Variants in PSMD12 observed in about 807,000 individuals in gnomAD.
PSMD12 encodes the protein 26S proteasome non-ATPase regulatory subunit 12.
A neutral mutation model predicts 62.9 loss-of-function variants in PSMD12; 8 were observed. That is an observed-to-expected ratio of 0.13 (90% CI 0.07 to 0.23). PSMD12 has a LOEUF of 0.23. Among genes scored for constraint, PSMD12 ranks in the 10% least tolerant of loss-of-function variants. The pLI, the probability that PSMD12 is intolerant of heterozygous loss-of-function variation, is 1.00. For synonymous variants in PSMD12, 173 were observed against 187.4 expected (o/e 0.92, Z 0.63); for missense variants, 424 against 550.2 (o/e 0.77, Z 2.29).
chr17:67,354,998 A>C (rs189284823), intron 3 of PSMD12, among the ~76,000 whole-genome samples: 3 of 152,238 alleles, frequency 2.0e-5, no homozygotes, highest in South Asian at 4.1e-4. Flanking sequence ...AAATAAATAA[A>C]TACATACATA....
intron 10 of PSMD12, 62 bp downstream of exon 10, chr17:67,342,124 T>C (rs1190816804): frequency 9.1e-6 from 11 of 1,212,364 alleles, no homozygotes; most frequent in South Asian, 2.6e-5. Flanking sequence ...TCTTACTCAA[T>C]TTTTACAAGT....
chr17:67,358,775 G>A (rs1328685458), intron 1 of PSMD12, among the ~76,000 whole-genome samples: 2 of 151,928 alleles, frequency 1.3e-5, no homozygotes, highest in Admixed American at 6.6e-5. Context: ...CATGCTTACC[G>A]GAAATGAAGG....
At chr17:67,353,090 C>CCTTA (rs2042033304) in intron 3 of PSMD12, among the ~76,000 whole-genome samples, 5 of 152,118 alleles carry the variant, frequency 3.3e-5, no homozygotes, top group African/African-American at 1.2e-4. Context: ...AGGGGGACTA[C>CCTTA]TGTACATTAA....
At chr17:67,358,567 C>CAAAAAAAAAAAAAAAAAAGGAAAAAA (rs2042099018) in intron 1 of PSMD12, among the ~76,000 whole-genome samples, 1 of 74,076 alleles carries the variant, frequency 1.3e-5, no homozygotes. Flanking sequence ...GAACCTGTCT[C>CAAAAAAAAAAAAAAAAAAGGAAAAAA]AAAAAAAAAA....
intron 8 of PSMD12, among the ~76,000 whole-genome samples, chr17:67,345,440 G>A (rs971068387): frequency 6.6e-6 from 1 of 152,112 alleles, no homozygotes; most frequent in Admixed American, 6.5e-5. Context: ...TCAGGAATTC[G>A]AGACCAGCCT....
chr17:67,344,586 T>C lies in PSMD12; in HGVS notation c.1083+20A>G. The C allele has an allele frequency of 6.6e-7, 1 of 1,516,908 alleles. No homozygotes were observed. Among genetic ancestry groups the C allele is most frequent in the South Asian group, 1.3e-5 (1 of 76,594 alleles). The allele number at this position is 1,516,908 out of a possible 1,614,324, so 94.0% of individuals were successfully genotyped here. On this transcript the variant is annotated intron_variant, in intron 9 of 10. Coordinates refer to ENST00000356126, the MANE Select transcript of PSMD12 (RefSeq NM_002816.5). Reference sequence around the variant, plus strand: ...CTAAAGGTTAAAATAAAAATTGTCATCTCTATGACAGATTCTTACATGTTC... The same window carrying C: ...CTAAAGGTTAAAATAAAAATTGTCACCTCTATGACAGATTCTTACATGTTC...
chr17:67,366,224 T>A (rs1285148674), intron 1 of PSMD12, among the ~76,000 whole-genome samples, 188 bp downstream of exon 1: 1 of 152,308 alleles, frequency 6.6e-6, no homozygotes, highest in East Asian at 1.9e-4. Context: ...TGGGAAGCTA[T>A]AGGCGCTGGC....
At chr17:67,341,197 G>A in intron 10 of PSMD12, 145 bp from the exon 11 acceptor site, 1 of 642,036 alleles carries the variant, frequency 1.6e-6, no homozygotes, top group Non-Finnish European at 2.5e-6. Flanking sequence ...AGCTGGGTGT[G>A]GTGGCTCACA....
chr17:67,349,331 T>C (rs2041997613), intron 4 of PSMD12, among the ~76,000 whole-genome samples: 1 of 152,232 alleles, frequency 6.6e-6, no homozygotes, highest in Non-Finnish European at 1.5e-5. Context: ...AACCGAACTA[T>C]TCTTTAACCC....
rs2041957038 is a variant in PSMD12, at chr17:67,345,565, C to A, written c.908+180G>T. On this transcript the variant is annotated intron_variant, in intron 8 of 10. Coordinates refer to ENST00000356126, the MANE Select transcript of PSMD12 (RefSeq NM_002816.5). Reference sequence around the variant, plus strand: ...GTTGAGGCAGAAGAATCACTTGAACCCAGGAGGCAGAAGTTGCAGTGAGCT... The same window carrying A: ...GTTGAGGCAGAAGAATCACTTGAACACAGGAGGCAGAAGTTGCAGTGAGCT... The A allele has an allele frequency of 5.4e-6, 3 of 550,576 alleles. No individual in the cohort carries two copies. In the South Asian group the frequency reaches 6.8e-5, roughly 12 times the overall value. The allele number at this position is 550,576 out of a possible 1,614,324, so 34.1% of individuals were successfully genotyped here.
At chr17:67,365,011 A>G (rs2042165950) in intron 1 of PSMD12, among the ~76,000 whole-genome samples, 1 of 152,084 alleles carries the variant, frequency 6.6e-6, no homozygotes, top group Non-Finnish European at 1.5e-5. Context: ...AACGTAGTGA[A>G]ACCCCGTCTC....
At chr17:67,361,620 GTCCAA>G (rs1188732074) in intron 1 of PSMD12, among the ~76,000 whole-genome samples, 1 of 152,060 alleles carries the variant, frequency 6.6e-6, no homozygotes, top group African/African-American at 2.4e-5. Context: ...TTTAAAGCCA[GTCCAA>G]TACTCCCCCT....
Position 67,340,712 on chromosome 17 carries a change from T to C in PSMD12, c.*131A>G. The C allele has an allele frequency of 1.6e-6, 1 of 643,690 alleles. No individual in the cohort carries two copies. The highest frequency in any genetic ancestry group is 2.4e-6 in the Non-Finnish European group (1 of 415,092). 39.9% of individuals were successfully genotyped at this position (643,690 alleles called of 1,614,324 possible). On this transcript the variant is annotated 3_prime_UTR_variant, in exon 11 of 11. Transcript: ENST00000356126. Reference sequence around the variant, plus strand: ...TGGGGAACTGAAAGGTCAAAGGGAGTCTCAAACATATTCACTATTTTAAAA... The same window carrying C: ...TGGGGAACTGAAAGGTCAAAGGGAGCCTCAAACATATTCACTATTTTAAAA...
At chr17:67,343,201 T>A (rs1366860217) in intron 9 of PSMD12, among the ~76,000 whole-genome samples, 2 of 152,170 alleles carry the variant, frequency 1.3e-5, no homozygotes, top group Non-Finnish European at 2.9e-5. Flanking sequence ...CTATCAGGGC[T>A]GATGGCAACA....
chr17:67,362,401 G>A (rs1415703756), intron 1 of PSMD12, among the ~76,000 whole-genome samples: 5 of 152,108 alleles, frequency 3.3e-5, no homozygotes, highest in East Asian at 1.9e-4. Context: ...CTGGCTGGGC[G>A]CGGTGGCTCA....
rs1195679235 is a variant in PSMD12, at chr17:67,338,861, T to C, written c.*1982A>G. ...GAGTGAAACTCCGTCTCAAAAAATATGAAAAAAATAAAGAGGAGGAACACT... is the reference window on the plus strand; with the variant it reads ...GAGTGAAACTCCGTCTCAAAAAATACGAAAAAAATAAAGAGGAGGAACACT... On this transcript the variant is annotated 3_prime_UTR_variant, in exon 11 of 11. Transcript: ENST00000356126. The C allele has an allele frequency of 1.3e-5, 2 of 151,938 alleles. No homozygotes were observed. The highest frequency in any genetic ancestry group is 2.4e-5 in the African/African-American group (1 of 41,368). 9.4% of individuals were successfully genotyped at this position (151,938 alleles called of 1,614,324 possible).
At chr17:67,341,082 GAC>G in intron 10 of PSMD12, 30 bp from the exon 11 acceptor site, 1 of 1,477,280 alleles carries the variant, frequency 6.8e-7, no homozygotes, top group Non-Finnish European at 9.1e-7. Context: ...ATTGGATTAA[GAC>G]AGGATAAATT....
At chr17:67,348,936 C>T (rs1298296760) in intron 4 of PSMD12, among the ~76,000 whole-genome samples, 3 of 152,192 alleles carry the variant, frequency 2.0e-5, no homozygotes, top group Non-Finnish European at 4.4e-5. Flanking sequence ...TTCAAGGCTA[C>T]AGTGAGCCAT....
Position 67,365,184 on chromosome 17 carries a change from CAAAAAAA to C in PSMD12, c.108+1221_108+1227del, listed in dbSNP as rs891969142. 1.3e-4 allele frequency among the ~76,000 whole-genome samples: 7 copies of C among 54,210 alleles called. 1 individual carries two copies. The highest frequency in any genetic ancestry group is 1.2e-3 in the Admixed American group (6 of 4,878). 35.6% of individuals were successfully genotyped at this position (54,210 alleles called of 152,430 possible). A position where few individuals can be genotyped will look rare whatever the true frequency, so the allele number is the denominator to read the frequency against. ...GGGTGAAAAAAGTGAAACTCCGTCTCAAAAAAAAAAAAAAAAAAAGTTCAGGTTTTCA... is the reference window on the plus strand; with the variant it reads ...GGGTGAAAAAAGTGAAACTCCGTCTCAAAAAAAAAAAAGTTCAGGTTTTCA... On this transcript the variant is annotated intron_variant, in intron 1 of 10. Coordinates refer to ENST00000356126, the MANE Select transcript of PSMD12 (RefSeq NM_002816.5).
Sources: allele counts gnomAD v4.1 joint callset (sites outside exome capture counted in the v4.1 genomes callset), GRCh38; gene constraint gnomAD v4.1.1; transcripts MANE v1.5; gene names NCBI Gene and HGNC (gene_info 2026-07-23, HGNC 2026-07-21).